Variants in PBX3 observed in about 807,000 individuals in gnomAD.
PBX3 encodes the protein pre-B-cell leukemia transcription factor 3.
In PBX3, 14 loss-of-function variants were observed where a neutral mutation model predicts 48.5. The ratio of observed to expected loss-of-function variants is 0.29; its 90% CI spans 0.19 to 0.45. PBX3 has a LOEUF of 0.45. PBX3 is among the 20% of genes least tolerant of loss of function. The pLI, the probability that PBX3 is intolerant of heterozygous loss-of-function variation, is 1.00. For synonymous variants in PBX3, 210 were observed against 200.3 expected (o/e 1.05, Z -0.41); for missense variants, 386 against 546.7 (o/e 0.71, Z 2.93).
intron 3 of PBX3, among the ~76,000 whole-genome samples, chr9:125,921,951 A>T (rs1324965371): frequency 6.6e-6 from 1 of 152,144 alleles, no homozygotes; most frequent in East Asian, 1.9e-4. Flanking sequence ...TTTAGATCTG[A>T]TCACTGATCA....
intron 2 of PBX3, among the ~76,000 whole-genome samples, chr9:125,796,171 A>T (rs563679265): frequency 1.3e-5 from 2 of 152,220 alleles, no homozygotes; most frequent in South Asian, 4.1e-4. Context: ...GCATGTATTC[A>T]GTTCACTGCC....
chr9:125,838,817 A>G (rs115839992), intron 2 of PBX3, among the ~76,000 whole-genome samples: 181 of 152,362 alleles, frequency 1.2e-3, no homozygotes, highest in African/African-American at 4.3e-3. Flanking sequence ...TTAGAAATGT[A>G]TGGCACTAAT....
intron 2 of PBX3, among the ~76,000 whole-genome samples, chr9:125,804,408 C>T (rs1838058025): frequency 6.6e-6 from 1 of 152,116 alleles, no homozygotes; most frequent in African/African-American, 2.4e-5. Context: ...GTGCTGGTCA[C>T]CTGTGGCTGC....
chr9:125,856,528 G>A (rs775014703), intron 2 of PBX3, among the ~76,000 whole-genome samples: 2 of 152,170 alleles, frequency 1.3e-5, no homozygotes, highest in Non-Finnish European at 2.9e-5. Context: ...CGGCGCCTCG[G>A]GCCTGGGTTA....
At chr9:125,946,150 C>T (rs1025001556) in intron 5 of PBX3, among the ~76,000 whole-genome samples, 1 of 152,162 alleles carries the variant, frequency 6.6e-6, no homozygotes, top group African/African-American at 2.4e-5. Context: ...CAGAAATAGA[C>T]CCTAATGGAA....
chr9:125,795,761 A>G (rs1028553357), intron 2 of PBX3, among the ~76,000 whole-genome samples: 3 of 152,196 alleles, frequency 2.0e-5, no homozygotes, highest in Non-Finnish European at 4.4e-5. Flanking sequence ...AAGATTTAAA[A>G]ATAAAATTTT....
intron 2 of PBX3, among the ~76,000 whole-genome samples, chr9:125,807,029 G>C (rs747929805): frequency 3.9e-5 from 6 of 152,176 alleles, no homozygotes; most frequent in Non-Finnish European, 7.4e-5. Context: ...CACATTTTAA[G>C]AAAGAAATAT....
At chr9:125,844,026 T>TA in intron 2 of PBX3, among the ~76,000 whole-genome samples, 1 of 152,136 alleles carries the variant, frequency 6.6e-6, no homozygotes. Context: ...TGAGAAAATG[T>TA]AAAAAATAGT....
intron 2 of PBX3, among the ~76,000 whole-genome samples, chr9:125,795,070 T>C (rs1330090059): frequency 6.6e-6 from 1 of 152,246 alleles, no homozygotes; most frequent in Non-Finnish European, 1.5e-5. Context: ...TGAAGCCTTG[T>C]AATACTACTT....
chr9:125,777,522 A>ATT (rs200498451), intron 2 of PBX3, among the ~76,000 whole-genome samples: 4 of 140,068 alleles, frequency 2.9e-5, no homozygotes, highest in Admixed American at 1.4e-4. Flanking sequence ...TGCCTGGCTA[A>ATT]TTTTTTTTTT....
chr9:125,963,741 C>G (rs1196798529), intron 8 of PBX3, among the ~76,000 whole-genome samples: 3 of 152,128 alleles, frequency 2.0e-5, no homozygotes, highest in Admixed American at 6.5e-5. Flanking sequence ...TGGATGGAGT[C>G]TGGGGTTCTA....
At chr9:125,898,017 C>T (rs906685132) in intron 2 of PBX3, among the ~76,000 whole-genome samples, 1 of 151,700 alleles carries the variant, frequency 6.6e-6, no homozygotes, top group Non-Finnish European at 1.5e-5. Context: ...ATATAGTAAT[C>T]TACACATAAG....
At chr9:125,847,779 CT>C (rs1839467255) in intron 2 of PBX3, among the ~76,000 whole-genome samples, 1 of 148,050 alleles carries the variant, frequency 6.8e-6, no homozygotes, top group African/African-American at 2.5e-5. Context: ...ACTGAATCTT[CT>C]ATAGTAGGCT....
chr9:125,778,146 G>C (rs12237497), intron 2 of PBX3, among the ~76,000 whole-genome samples: 3,048 of 151,894 alleles, frequency 0.02, 173 homozygotes, highest in East Asian at 0.17. Context: ...TTTTTTAGTA[G>C]AGATGGGGTA....
chr9:125,770,657 G>GA (rs1046133294), intron 2 of PBX3, among the ~76,000 whole-genome samples: 2 of 152,276 alleles, frequency 1.3e-5, no homozygotes, highest in African/African-American at 4.8e-5. Context: ...TTAAAAAGGA[G>GA]AGAGGGCTCC....
intron 2 of PBX3, among the ~76,000 whole-genome samples, chr9:125,881,837 AATG>A (rs1170405300): frequency 6.6e-6 from 1 of 151,874 alleles, no homozygotes; most frequent in Non-Finnish European, 1.5e-5. Flanking sequence ...TTCCTGCTCT[AATG>A]TTTTTTTGGG....
At chr9:125,914,415 G>C (rs1841277524) in intron 2 of PBX3, among the ~76,000 whole-genome samples, 2 of 152,172 alleles carry the variant, frequency 1.3e-5, no homozygotes, top group South Asian at 4.1e-4. Flanking sequence ...CAAGAGCTCT[G>C]TCATGCCATG....
At chr9:125,926,669 A>G (rs538541618) in intron 3 of PBX3, among the ~76,000 whole-genome samples, 1 of 150,718 alleles carries the variant, frequency 6.6e-6, no homozygotes, top group Non-Finnish European at 1.5e-5. Context: ...ATACAAAAAA[A>G]ATTACCCGGG....
intron 2 of PBX3, among the ~76,000 whole-genome samples, chr9:125,783,624 C>G (rs1160090614): frequency 6.6e-6 from 1 of 152,132 alleles, no homozygotes; most frequent in Non-Finnish European, 1.5e-5. Flanking sequence ...TGCTAATACT[C>G]TGTTTTTGTT....
Sources: gnomAD v4.1 joint callset for allele counts (sites outside exome capture counted in the v4.1 genomes callset) on GRCh38, gnomAD v4.1.1 for gene constraint, MANE v1.5 for transcripts, NCBI Gene and HGNC (gene_info 2026-07-23, HGNC 2026-07-21) for gene names.